Variants in TFDP2 observed in about 807,000 individuals in gnomAD.
TFDP2 encodes transcription factor Dp-2, also known as transcription factor Dp-2 (E2F dimerization partner 2).
A neutral mutation model predicts 59.3 loss-of-function variants in TFDP2; 17 were observed. The observed-to-expected ratio is 0.29, with a 90% CI of 0.20 to 0.43. The LOEUF is 0.43. Ranked by LOEUF, TFDP2 falls within the 20% of genes least tolerant of loss-of-function variation. TFDP2 has a pLI of 1.00. For missense variants in TFDP2, 391 were observed against 528.8 expected (o/e 0.74, Z 2.56); for synonymous variants, 180 against 194.7 (o/e 0.92, Z 0.63).
intron 1 of TFDP2, among the ~76,000 whole-genome samples, chr3:142,135,775 G>A (rs2062706148): frequency 6.6e-6 from 1 of 152,186 alleles, no homozygotes; most frequent in South Asian, 2.1e-4. Flanking sequence ...TGGGGTATAT[G>A]TGCCACAATT....
At chr3:141,973,285 TG>T (rs1940119966) in intron 8 of TFDP2, among the ~76,000 whole-genome samples, 1 of 151,844 alleles carries the variant, frequency 6.6e-6, no homozygotes, top group Admixed American at 6.6e-5. Flanking sequence ...GGCTAATTTT[TG>T]TATTTTTAGT....
At chr3:142,061,799 A>C (rs1022236807) in intron 3 of TFDP2, among the ~76,000 whole-genome samples, 2 of 151,500 alleles carry the variant, frequency 1.3e-5, no homozygotes, top group Admixed American at 1.3e-4. Flanking sequence ...CTGGTTCTCC[A>C]GGTTGCAGAC....
chr3:141,970,920 T>C (rs1401754779), intron 8 of TFDP2, among the ~76,000 whole-genome samples: 1 of 151,592 alleles, frequency 6.6e-6, no homozygotes, highest in Non-Finnish European at 1.5e-5. Context: ...AAGCCAGGTG[T>C]GGTGGCGCGC....
At chr3:142,129,269 A>G (rs2062399472) in intron 1 of TFDP2, among the ~76,000 whole-genome samples, 1 of 152,080 alleles carries the variant, frequency 6.6e-6, no homozygotes. Flanking sequence ...TACAGACTCT[A>G]GAAACTGGGG....
In TFDP2 at chr3:142,005,276, T is replaced by G. The variant is rs542236486; in HGVS notation, c.186+165A>C. Among the ~76,000 whole-genome samples, 10 of 152,322 alleles carry G rather than the reference T, an allele frequency of 6.6e-5. No homozygotes were observed. The East Asian group carries it at 1.9e-3, about 29-fold the overall frequency. Reference sequence around the variant, plus strand: ...CTGGTCTTGAACTCCTGGGCTCAAGTGATCCACCTGCCTCGGCCTCCCAAA... The same window carrying G: ...CTGGTCTTGAACTCCTGGGCTCAAGGGATCCACCTGCCTCGGCCTCCCAAA... On this transcript the variant is annotated intron_variant, in intron 4 of 12. Transcript: ENST00000489671.
rs1221806699 is a variant in TFDP2, at chr3:142,093,107, A to C, written c.36T>G (p.Asn12Lys). Residue 12 changes from asparagine (N) to lysine (K), a missense_variant, in exon 3 of 13, where the codon AAT (asparagine) becomes AAG (lysine). Physicochemically the swap from Asn to Lys is moderately conservative, Grantham distance 94 (BLOSUM62 0). Coordinates refer to ENST00000489671, the MANE Select transcript of TFDP2 (RefSeq NM_001178139.2). ...GATCTATAAATCCTCTTACTTCTGC[A>C]TTTGTGGAAGTCAAACCAACCTGAA... ...TAKNVGLTST[N>K]AEVRGFIDQN... 2.8e-5 allele frequency: 43 copies of C among 1,541,908 alleles called. No homozygotes were observed. The highest frequency in any genetic ancestry group is 3.7e-5 in the Non-Finnish European group (42 of 1,150,028).
chr3:142,101,742 G>A lies in TFDP2; in HGVS notation c.8C>T (p.Ala3Val). MT[A>V]KNVGLTSTNA... ...AAATTTACAAATACTTACATTTTTT[G>A]CCGTCATGTCAAACTGTATTCTATT... is the stretch of plus-strand genomic sequence containing the variant. The change falls in exon 2 of 13, where the codon GCA becomes GTA. Residue 3 changes from alanine to valine, a missense_variant. Coordinates refer to ENST00000489671, the MANE Select transcript of TFDP2 (RefSeq NM_001178139.2). 1 of 1,359,306 alleles carries A rather than the reference G, an allele frequency of 7.4e-7. No homozygotes were observed. Among genetic ancestry groups the A allele is most frequent in the Non-Finnish European group, 9.7e-7 (1 of 1,027,412 alleles). The allele number at this position is 1,359,306 out of a possible 1,614,324, so 84.2% of individuals were successfully genotyped here.
At chr3:142,094,663 A>G (rs1201158243) in intron 2 of TFDP2, among the ~76,000 whole-genome samples, 1 of 152,158 alleles carries the variant, frequency 6.6e-6, no homozygotes, top group Non-Finnish European at 1.5e-5. Flanking sequence ...CCCTTTACTG[A>G]GATATCATTG....
rs140228689 is a variant in TFDP2 at position 141,978,321 on chromosome 3, G to T, written c.519+199C>A. On this transcript the variant is annotated intron_variant, in intron 7 of 12. Transcript: ENST00000489671. ...GATCGCGCCACTGAACTCCAGCCTGGGCGACAGAGTGAGGTTCCGCCTAAA... is the reference window on the plus strand; with the variant it reads ...GATCGCGCCACTGAACTCCAGCCTGTGCGACAGAGTGAGGTTCCGCCTAAA... Among the ~76,000 whole-genome samples the T allele has an allele frequency of 1.3e-3, 202 of 150,692 alleles. 5 individuals are homozygous for T. The East Asian group carries it at 0.034, about 26-fold the overall frequency.
chr3:142,076,469 T>C (rs2060461969), intron 3 of TFDP2, among the ~76,000 whole-genome samples: 1 of 152,086 alleles, frequency 6.6e-6, no homozygotes, highest in Admixed American at 6.5e-5. Flanking sequence ...AATATTTTGA[T>C]GCAGCTATAA....
At chr3:142,057,484 T>A (rs955877590) in intron 3 of TFDP2, among the ~76,000 whole-genome samples, 13 of 152,110 alleles carry the variant, frequency 8.5e-5, no homozygotes, top group Non-Finnish European at 1.6e-4. Context: ...TGTTCCTGGG[T>A]GGGTTGTTTT....
chr3:142,136,867 T>C (rs747175415), intron 1 of TFDP2, among the ~76,000 whole-genome samples: 11 of 152,100 alleles, frequency 7.2e-5, no homozygotes, highest in Admixed American at 5.9e-4. Flanking sequence ...GTCTTGGCAA[T>C]GTGGGCTCTT....
chr3:142,044,803 C>T (rs1175923599), intron 3 of TFDP2, among the ~76,000 whole-genome samples: 1 of 152,188 alleles, frequency 6.6e-6, no homozygotes, highest in Non-Finnish European at 1.5e-5. Flanking sequence ...TCTGAGACCT[C>T]CTTCTTATTA....
chr3:141,969,128 A>G (rs549522594), intron 9 of TFDP2, among the ~76,000 whole-genome samples: 1 of 77,166 alleles, frequency 1.3e-5, no homozygotes, highest in Non-Finnish European at 2.2e-5. Context: ...ATATATATAT[A>G]ACATATATAT....
At chr3:142,016,813 G>A (rs1945167631) in intron 3 of TFDP2, among the ~76,000 whole-genome samples, 1 of 152,146 alleles carries the variant, frequency 6.6e-6, no homozygotes, top group Non-Finnish European at 1.5e-5. Context: ...CTACATGGAG[G>A]AGTCCTCTTC....
chr3:142,003,720 G>A (rs148216080), intron 4 of TFDP2, among the ~76,000 whole-genome samples: 13 of 152,264 alleles, frequency 8.5e-5, no homozygotes, highest in Admixed American at 1.3e-4. Flanking sequence ...GTTCCAAATC[G>A]CCTCTCCTTC....
At chr3:141,958,947 C>CTT (rs984082447) in intron 11 of TFDP2, among the ~76,000 whole-genome samples, 5,269 of 103,574 alleles carry the variant, frequency 0.051, 314 homozygotes, top group African/African-American at 0.086. Context: ...GATGTACCTA[C>CTT]TTTTTTTTTT....
intron 11 of TFDP2, among the ~76,000 whole-genome samples, chr3:141,956,045 T>C (rs1318913101): frequency 6.6e-5 from 10 of 152,176 alleles, no homozygotes; most frequent in African/African-American, 1.9e-4. Context: ...TAACCTCAAG[T>C]GATATGCCTG....
rs140089391 is a variant in TFDP2, at chr3:142,049,915, G to A, written c.82+43146C>T. On this transcript the variant is annotated intron_variant, in intron 3 of 12. Coordinates refer to ENST00000489671, the MANE Select transcript of TFDP2 (RefSeq NM_001178139.2). ...GTACAAGAGTTATACAATGGAAACT[G>A]CAATAGATTGCTGAAACTATAGAAG... Among the ~76,000 whole-genome samples, 10 of 152,230 alleles carry A rather than the reference G, an allele frequency of 6.6e-5. No individual in the cohort carries two copies. In the East Asian group the frequency reaches 1.7e-3, roughly 26 times the overall value.
Sources: gnomAD v4.1 joint callset for allele counts (sites outside exome capture counted in the v4.1 genomes callset) on GRCh38, gnomAD v4.1.1 for gene constraint, MANE v1.5 for transcripts, NCBI Gene and HGNC (gene_info 2026-07-23, HGNC 2026-07-21) for gene names.